Variants in CAMK1D observed in about 807,000 individuals in gnomAD.
CAMK1D encodes calcium/calmodulin-dependent protein kinase type 1D.
A neutral mutation model predicts 47.7 loss-of-function variants in CAMK1D; 9 were observed. The observed-to-expected ratio is 0.19, with a 90% CI of 0.11 to 0.33. CAMK1D has a LOEUF of 0.33. CAMK1D is among the 10% of genes least tolerant of loss of function. The probability of loss-of-function intolerance (pLI) is 1.00; values close to 1 mark genes in which losing one functional copy is unlikely to be tolerated. For synonymous variants in CAMK1D, 184 were observed against 184.9 expected (o/e 0.99, Z 0.04); for missense variants, 291 against 488.7 (o/e 0.60, Z 3.81).
At chr10:12,817,997 T>G (rs1026450481) in intron 8 of CAMK1D, among the ~76,000 whole-genome samples, 2 of 152,176 alleles carry the variant, frequency 1.3e-5, no homozygotes, top group Non-Finnish European at 2.9e-5. Flanking sequence ...CTGTAGTGAT[T>G]GTTATGTAAG....
chr10:12,540,814 A>C (rs1279263276), intron 1 of CAMK1D, among the ~76,000 whole-genome samples: 1 of 152,198 alleles, frequency 6.6e-6, no homozygotes, highest in Non-Finnish European at 1.5e-5. Context: ...AACTATTTTG[A>C]AGGATCTGTC....
At chr10:12,542,174 C>G (rs1836217762) in intron 1 of CAMK1D, among the ~76,000 whole-genome samples, 1 of 152,132 alleles carries the variant, frequency 6.6e-6, no homozygotes, top group South Asian at 2.1e-4. Flanking sequence ...CCATGGAACC[C>G]CAGCTTTTCA....
intron 3 of CAMK1D, among the ~76,000 whole-genome samples, chr10:12,682,348 G>A (rs1832479072): frequency 6.6e-6 from 1 of 152,216 alleles, no homozygotes; most frequent in Admixed American, 6.5e-5. Flanking sequence ...AATGGAAAGA[G>A]ATTGAAAAGG....
chr10:12,695,242 G>A (rs1301648306), intron 3 of CAMK1D, among the ~76,000 whole-genome samples: 4 of 152,228 alleles, frequency 2.6e-5, no homozygotes, highest in South Asian at 4.1e-4. Flanking sequence ...AAGGACAGAC[G>A]GAGAATGACT....
intron 1 of CAMK1D, among the ~76,000 whole-genome samples, chr10:12,494,346 C>T (rs1834473053): frequency 6.6e-6 from 1 of 151,994 alleles, no homozygotes; most frequent in African/African-American, 2.4e-5. Context: ...TATTTTTAGC[C>T]ATTTTTCTTT....
At chr10:12,583,605 AT>A (rs199562739) in intron 2 of CAMK1D, among the ~76,000 whole-genome samples, 178 of 132,578 alleles carry the variant, frequency 1.3e-3, no homozygotes, top group Admixed American at 1.5e-3. Flanking sequence ...TTGTTGTTTT[AT>A]TTTTTTTTTT....
intron 5 of CAMK1D, among the ~76,000 whole-genome samples, chr10:12,781,789 T>G (rs1167257457): frequency 6.6e-6 from 1 of 151,798 alleles, no homozygotes; most frequent in African/African-American, 2.4e-5. Flanking sequence ...GAAGCTGGGA[T>G]TACAAGCACG....
In CAMK1D at chr10:12,353,513, G is replaced by C. The variant is rs565170674; in HGVS notation, c.92+3603G>C. ...TCAAGGCGGTTAGGCTGTATGGTTA[G>C]AGGGACCTTGCTGGAGAGTGGGGGC... On this transcript the variant is annotated intron_variant, in intron 1 of 10. Coordinates refer to ENST00000619168, the MANE Select transcript of CAMK1D (RefSeq NM_153498.4). 4.6e-5 allele frequency among the ~76,000 whole-genome samples: 7 copies of C among 152,308 alleles called. No individual in the cohort carries two copies. In the East Asian group the frequency reaches 1.3e-3, roughly 29 times the overall value.
intron 2 of CAMK1D, among the ~76,000 whole-genome samples, chr10:12,561,428 A>T (rs1564412916): frequency 6.6e-6 from 1 of 152,008 alleles, no homozygotes; most frequent in Non-Finnish European, 1.5e-5. Flanking sequence ...AATCACCGAG[A>T]AGAGTTGACA....
intron 3 of CAMK1D, among the ~76,000 whole-genome samples, chr10:12,700,924 A>G (rs1404216594): frequency 6.6e-6 from 1 of 152,320 alleles, no homozygotes; most frequent in East Asian, 1.9e-4. Context: ...AATGTTCTTA[A>G]CTAAATATCT....
chr10:12,745,520 A>G (rs1353927351), intron 3 of CAMK1D, among the ~76,000 whole-genome samples: 2 of 152,160 alleles, frequency 1.3e-5, no homozygotes, highest in African/African-American at 2.4e-5. Flanking sequence ...GGTCACTTAC[A>G]TGAGTTTTTC....
intron 6 of CAMK1D, among the ~76,000 whole-genome samples, chr10:12,807,802 C>T (rs1335807984): frequency 6.6e-6 from 1 of 152,240 alleles, no homozygotes; most frequent in African/African-American, 2.4e-5. Flanking sequence ...TCCAGCTCCA[C>T]TGCAGGCCCC....
rs922143352 is a variant in CAMK1D at position 12,833,991 on chromosome 10, C to T, written c.*5104C>T. ...ACCCTTTTGAGGGGCACCTGGTCCT[C>T]GGTTGGGGCTGCAGGTGTGCCTGAC... On this transcript the variant is annotated 3_prime_UTR_variant, in exon 11 of 11. Coordinates refer to ENST00000619168, the MANE Select transcript of CAMK1D (RefSeq NM_153498.4). 2 of 151,408 alleles carry T rather than the reference C, an allele frequency of 1.3e-5. 1 individual carries two copies. Among genetic ancestry groups the T allele is most frequent in the South Asian group, 4.2e-4 (2 of 4,790 alleles). 9.4% of individuals were successfully genotyped at this position (151,408 alleles called of 1,614,324 possible). A position where few individuals can be genotyped will look rare whatever the true frequency, so the allele number is the denominator to read the frequency against.
intron 1 of CAMK1D, among the ~76,000 whole-genome samples, chr10:12,396,877 C>T (rs1227597490): frequency 2.0e-5 from 3 of 152,154 alleles, no homozygotes; most frequent in Non-Finnish European, 2.9e-5. Flanking sequence ...TTAACTCAGT[C>T]GTAAGGAGCT....
intron 1 of CAMK1D, among the ~76,000 whole-genome samples, chr10:12,462,341 T>G (rs904918230): frequency 6.6e-6 from 1 of 151,920 alleles, no homozygotes; most frequent in Non-Finnish European, 1.5e-5. Flanking sequence ...AATGTTTGTA[T>G]TTTTAGTAGA....
At chr10:12,763,203 C>T (rs1283261317) in intron 4 of CAMK1D, among the ~76,000 whole-genome samples, 1 of 152,084 alleles carries the variant, frequency 6.6e-6, no homozygotes, top group East Asian at 1.9e-4. Flanking sequence ...TTCAGAGGCA[C>T]AAAGGAGTTT....
chr10:12,823,693 GAGTTAA>G (rs1229692282), intron 8 of CAMK1D, among the ~76,000 whole-genome samples: 2 of 152,050 alleles, frequency 1.3e-5, no homozygotes, highest in Non-Finnish European at 2.9e-5. Context: ...GAATCAGCTA[GAGTTAA>G]AGCTTACCCG....
chr10:12,521,830 A>G (rs1835424806), intron 1 of CAMK1D, among the ~76,000 whole-genome samples: 1 of 152,126 alleles, frequency 6.6e-6, no homozygotes, highest in African/African-American at 2.4e-5. Context: ...TTATCATTAT[A>G]TGACAATCCT....
intron 1 of CAMK1D, among the ~76,000 whole-genome samples, chr10:12,398,420 C>T (rs1250265021): frequency 6.6e-6 from 1 of 152,192 alleles, no homozygotes; most frequent in Non-Finnish European, 1.5e-5. Flanking sequence ...GCGGTCTCAG[C>T]TCACTGCAAC....
Sources: gnomAD v4.1 joint callset for allele counts (sites outside exome capture counted in the v4.1 genomes callset) on GRCh38, gnomAD v4.1.1 for gene constraint, MANE v1.5 for transcripts, NCBI Gene and HGNC (gene_info 2026-07-23, HGNC 2026-07-21) for gene names.